Variants in LHPP observed in about 807,000 individuals in gnomAD.
LHPP encodes hLHPP.
A neutral mutation model predicts 30.3 loss-of-function variants in LHPP; 24 were observed. The observed-to-expected ratio is 0.79, with a 90% CI of 0.57 to 1.11. The LOEUF is 1.11. LHPP is among the 50% of genes most tolerant of loss of function. LHPP has a pLI of 0.00. For missense variants in LHPP, 356 were observed against 367.2 expected (o/e 0.97, Z 0.25); for synonymous variants, 150 against 157.1 (o/e 0.95, Z 0.34).
At chr10:124,600,991 A>T (rs1949013547) in intron 6 of LHPP, among the ~76,000 whole-genome samples, 1 of 152,218 alleles carries the variant, frequency 6.6e-6, no homozygotes, top group Non-Finnish European at 1.5e-5. Context: ...CCACACAGTT[A>T]CCGTGGAGTG....
chr10:124,504,213 T>C (rs1203174287), intron 5 of LHPP, among the ~76,000 whole-genome samples: 1 of 150,220 alleles, frequency 6.7e-6, no homozygotes, highest in African/African-American at 2.5e-5. Flanking sequence ...TAAAATAATA[T>C]AAGTGGTATG....
chr10:124,490,322 CA>C, intron 3 of LHPP: 1 of 251,208 alleles, frequency 4.0e-6, no homozygotes, highest in Non-Finnish European at 8.2e-6. Flanking sequence ...ACACGCTCTC[CA>C]GGGGCAGATG....
intron 1 of LHPP, among the ~76,000 whole-genome samples, chr10:124,481,681 T>G (rs898397519): frequency 6.6e-6 from 1 of 152,030 alleles, no homozygotes; most frequent in Admixed American, 6.5e-5. Context: ...ATGCTCTGCC[T>G]TATCTGCCCT....
At chr10:124,524,975 G>A (rs1426947307) in intron 6 of LHPP, among the ~76,000 whole-genome samples, 1 of 152,204 alleles carries the variant, frequency 6.6e-6, no homozygotes, top group Non-Finnish European at 1.5e-5. Context: ...AGAATTAGGA[G>A]GCTATCAGCT....
At chr10:124,469,644 T>A (rs545742824) in intron 1 of LHPP, among the ~76,000 whole-genome samples, 2 of 152,218 alleles carry the variant, frequency 1.3e-5, no homozygotes, top group African/African-American at 2.4e-5. Context: ...ATTCCTTTTT[T>A]ATTTTTTTTT....
In LHPP at chr10:124,596,970, G is replaced by A. The variant is rs576643560; in HGVS notation, c.717-16294G>A. ...CCGTGTGGGTGGGCACCATCTCATC[G>A]GCTGTCCTTGTGGCTGGAACAAAGC... On this transcript the variant is annotated intron_variant, in intron 6 of 6. Transcript: ENST00000368842. The surrounding 1 kb of genome is among the most constrained non-coding windows in gnomAD (Gnocchi z 4.6). Among the ~76,000 whole-genome samples, 9 of 152,304 alleles carry A rather than the reference G, an allele frequency of 5.9e-5. No individual in the cohort carries two copies. The highest frequency in any genetic ancestry group is 4.6e-4 in the Admixed American group (7 of 15,306).
At chr10:124,602,094 C>G (rs1949030716) in intron 6 of LHPP, among the ~76,000 whole-genome samples, 1 of 152,210 alleles carries the variant, frequency 6.6e-6, no homozygotes, top group African/African-American at 2.4e-5. Flanking sequence ...CCAGAGTCAA[C>G]CAGCCCACCA....
At chr10:124,534,343 T>C (rs977513915) in intron 6 of LHPP, among the ~76,000 whole-genome samples, 3 of 152,240 alleles carry the variant, frequency 2.0e-5, no homozygotes, top group African/African-American at 7.2e-5. Context: ...TCTTTTAGTT[T>C]GTTTTGTTAG....
intron 6 of LHPP, among the ~76,000 whole-genome samples, chr10:124,595,231 C>T (rs1948928377): frequency 6.6e-6 from 1 of 152,176 alleles, no homozygotes; most frequent in Admixed American, 6.5e-5. Flanking sequence ...AGTCCCAGCT[C>T]TGTTCTTCCC....
Position 124,592,850 on chromosome 10 carries a change from C to T in LHPP, c.717-20414C>T, listed in dbSNP as rs1379135704. 1.3e-5 allele frequency among the ~76,000 whole-genome samples: 2 copies of T among 152,234 alleles called. No homozygotes were observed. Among genetic ancestry groups the T allele is most frequent in the African/African-American group, 2.4e-5 (1 of 41,464 alleles). ...AGGAATCGTCCAGGGCGCGGCAGCC[C>T]GCCAGGAGCCCGGGCAGCTTGGATG... On this transcript the variant is annotated intron_variant, in intron 6 of 6. Coordinates refer to ENST00000368842, the MANE Select transcript of LHPP (RefSeq NM_022126.4). The surrounding 1 kb of genome is among the most constrained non-coding windows in gnomAD (Gnocchi z 6.2).
intron 5 of LHPP, among the ~76,000 whole-genome samples, chr10:124,508,681 A>C (rs1397572591): frequency 6.6e-6 from 1 of 151,734 alleles, no homozygotes; most frequent in Non-Finnish European, 1.5e-5. Context: ...TCATTAAAGG[A>C]GCTAAGAAAA....
At position 124,517,114 on chromosome 10, in the gene LHPP, G is replaced by T; in HGVS notation, c.625-66G>T. 1 of 1,062,132 alleles carries T rather than the reference G, an allele frequency of 9.4e-7. No individual in the cohort carries two copies. The highest frequency in any genetic ancestry group is 1.3e-6 in the Non-Finnish European group (1 of 742,250). The allele number at this position is 1,062,132 out of a possible 1,614,324, so 65.8% of individuals were successfully genotyped here. ...CAAGCCATTTATTATGTCAAAAAAAGATGAAGGAGCCCGGGAATAAAACTC... is the reference window on the plus strand; with the variant it reads ...CAAGCCATTTATTATGTCAAAAAAATATGAAGGAGCCCGGGAATAAAACTC... On this transcript the variant is annotated intron_variant, in intron 5 of 6. Coordinates refer to ENST00000368842, the MANE Select transcript of LHPP (RefSeq NM_022126.4). The surrounding 1 kb of genome is among the most constrained non-coding windows in gnomAD (Gnocchi z 4.1).
In LHPP at chr10:124,518,343, A is replaced by G. The variant is rs571918670; in HGVS notation, c.716+1072A>G. Among the ~76,000 whole-genome samples the G allele has an allele frequency of 2.6e-5, 4 of 152,280 alleles. No homozygotes were observed. The East Asian group carries it at 7.7e-4, about 29-fold the overall frequency. On this transcript the variant is annotated intron_variant, in intron 6 of 6. Transcript: ENST00000368842. ...GGAGACCCCACTCACAAGCCACAGG[A>G]ACGTTTTTTTCCAAGAGACCAGCCA...
At chr10:124,542,668 C>T (rs1955226616) in intron 6 of LHPP, among the ~76,000 whole-genome samples, 1 of 152,288 alleles carries the variant, frequency 6.6e-6, no homozygotes, top group Admixed American at 6.5e-5. Flanking sequence ...CCCTGTGCAC[C>T]CTGGGGCCCA....
At chr10:124,589,741 G>C (rs1388687383) in intron 6 of LHPP, among the ~76,000 whole-genome samples, 1 of 152,194 alleles carries the variant, frequency 6.6e-6, no homozygotes, top group Non-Finnish European at 1.5e-5. Context: ...GGACGGACCC[G>C]CCTTTCCCGC....
rs1041382341 is a variant in LHPP at position 124,613,022 on chromosome 10, C to T, written c.717-242C>T. 6 of 564,900 alleles carry T rather than the reference C, an allele frequency of 1.1e-5. No homozygotes were observed. In the African/African-American group the frequency reaches 1.1e-4, roughly 11 times the overall value. 35.0% of individuals were successfully genotyped at this position (564,900 alleles called of 1,614,324 possible). On this transcript the variant is annotated intron_variant, in intron 6 of 6. Coordinates refer to ENST00000368842, the MANE Select transcript of LHPP (RefSeq NM_022126.4). ...ACTCCACCACAAGGCTGAGCAGGCTCCCCAGTGGGAGACAGGTTTGGGGAG... is the reference window on the plus strand; with the variant it reads ...ACTCCACCACAAGGCTGAGCAGGCTTCCCAGTGGGAGACAGGTTTGGGGAG...
chr10:124,548,926 A>T (rs1021238856), intron 6 of LHPP, among the ~76,000 whole-genome samples: 2 of 152,214 alleles, frequency 1.3e-5, no homozygotes, highest in Admixed American at 1.3e-4. Flanking sequence ...AAGTCTCCCT[A>T]ACCTGGCAAG....
At chr10:124,567,952 C>T (rs530609004) in intron 6 of LHPP, among the ~76,000 whole-genome samples, 3 of 152,312 alleles carry the variant, frequency 2.0e-5, no homozygotes, top group South Asian at 2.1e-4. Context: ...CTCGCTCTGT[C>T]GCCAGGCTGG....
intron 6 of LHPP, among the ~76,000 whole-genome samples, chr10:124,536,134 C>T (rs949264910): frequency 9.2e-5 from 14 of 152,258 alleles, no homozygotes; most frequent in Admixed American, 1.3e-4. Flanking sequence ...CACTGGGTCC[C>T]CGGGCTTTTC....
Sources: allele counts gnomAD v4.1 joint callset (sites outside exome capture counted in the v4.1 genomes callset), GRCh38; gene constraint gnomAD v4.1.1; non-coding constraint Gnocchi (gnomAD v3.1); transcripts MANE v1.5; gene names NCBI Gene and HGNC (gene_info 2026-07-23, HGNC 2026-07-21).